NFIL3: variants seen among roughly 807,000 people sequenced by gnomAD.
NFIL3 encodes the protein nuclear factor, interleukin 3 regulated.
In NFIL3, 5 loss-of-function variants were observed where a neutral mutation model predicts 10.0. The observed-to-expected ratio is 0.50, with a 90% CI of 0.26 to 1.06. The LOEUF (loss-of-function observed/expected upper bound fraction) is 1.06, where lower values mean the gene tolerates loss of function less well. Among genes scored for constraint, NFIL3 ranks in the 50% least tolerant of loss-of-function variants. The probability of loss-of-function intolerance (pLI) is 0.13; values close to 1 mark genes in which losing one functional copy is unlikely to be tolerated. For synonymous variants in NFIL3, 202 were observed against 206.5 expected (o/e 0.98, Z 0.19); for missense variants, 436 against 547.6 (o/e 0.80, Z 2.03).
chr9:91,438,068 T>G, the NFIL3 span, among the ~76,000 whole-genome samples: 1 of 152,178 alleles, frequency 6.6e-6, no homozygotes, highest in Non-Finnish European at 1.5e-5. Flanking sequence ...ATTTTTAATT[T>G]TTTTGGAAAC....
the NFIL3 span, among the ~76,000 whole-genome samples, chr9:91,465,753 G>A: frequency 1.3e-5 from 2 of 152,076 alleles, no homozygotes; most frequent in Admixed American, 1.3e-4. Context: ...ATTTATGTGA[G>A]AATTTATGTT....
chr9:91,445,490 G>A, the NFIL3 span, among the ~76,000 whole-genome samples: 1 of 152,208 alleles, frequency 6.6e-6, no homozygotes, highest in African/African-American at 2.4e-5. Context: ...GGGAGGCAGG[G>A]CCTTTAGCTG....
chr9:91,459,608 C>A, the NFIL3 span, among the ~76,000 whole-genome samples: 1 of 152,102 alleles, frequency 6.6e-6, no homozygotes, highest in Admixed American at 6.5e-5. Context: ...TTGCTTGAGC[C>A]CAGGAGTTCA....
chr9:91,412,110 A>C (rs1587962351), intron 1 of NFIL3, among the ~76,000 whole-genome samples: 2 of 150,238 alleles, frequency 1.3e-5, no homozygotes, highest in African/African-American at 2.4e-5. Context: ...AAAAAAAAAA[A>C]AAAAAAAAAA....
chr9:91,436,090 G>A, the NFIL3 span, among the ~76,000 whole-genome samples: 1 of 152,210 alleles, frequency 6.6e-6, no homozygotes, highest in Admixed American at 6.5e-5. Flanking sequence ...AAATCAAACT[G>A]CAGAATTGAT....
chr9:91,479,592 T>G, the NFIL3 span, among the ~76,000 whole-genome samples: 1 of 152,072 alleles, frequency 6.6e-6, no homozygotes, highest in Non-Finnish European at 1.5e-5. Context: ...TCTGTGGGGG[T>G]GGGATCCACT....
At chr9:91,464,408 T>C in the NFIL3 span, among the ~76,000 whole-genome samples, 3,246 of 152,192 alleles carry the variant, frequency 0.021, 52 homozygotes, top group Middle Eastern at 0.034. Flanking sequence ...TCATGGGTAG[T>C]GCAGGTGCCT....
chr9:91,465,873 T>A, the NFIL3 span, among the ~76,000 whole-genome samples: 1 of 152,150 alleles, frequency 6.6e-6, no homozygotes, highest in Non-Finnish European at 1.5e-5. Context: ...CTTTAACCTT[T>A]CATAAGTACT....
In NFIL3 at chr9:91,414,744, G is replaced by C. The variant is rs138973588; in HGVS notation, c.-172-3838C>G. On this transcript the variant is annotated intron_variant, in intron 1 of 1. Transcript: ENST00000297689. ...TCAAATAATCTTGCAGTGTTGAAAA[G>C]AGTTTATCAGCATTATGGGATGATA... Among the ~76,000 whole-genome samples, 31 of 152,310 alleles carry C rather than the reference G, an allele frequency of 2.0e-4. No homozygotes were observed. The East Asian group carries it at 5.6e-3, about 27-fold the overall frequency.
chr9:91,445,706 G>A, the NFIL3 span, among the ~76,000 whole-genome samples: 1,008 of 152,184 alleles, frequency 6.6e-3, 10 homozygotes, highest in African/African-American at 0.023. Context: ...TAGAAAGCAG[G>A]GCACTACCTC....
At chr9:91,432,254 C>T in the NFIL3 span, among the ~76,000 whole-genome samples, 1 of 152,206 alleles carries the variant, frequency 6.6e-6, no homozygotes. Flanking sequence ...CATGATGTCC[C>T]AAATCCCAGC....
chr9:91,449,152 C>T, the NFIL3 span, among the ~76,000 whole-genome samples: 2 of 152,066 alleles, frequency 1.3e-5, no homozygotes, highest in Admixed American at 6.6e-5. Flanking sequence ...TAAGACAATG[C>T]CATTTGCAAA....
upstream of NFIL3, among the ~76,000 whole-genome samples, chr9:91,428,384 A>C (rs1386681653): frequency 2.0e-5 from 3 of 152,028 alleles, no homozygotes; most frequent in African/African-American, 7.2e-5. Flanking sequence ...GCCACAACCT[A>C]GACGTTATAG....
At chr9:91,478,873 T>A in the NFIL3 span, among the ~76,000 whole-genome samples, 3 of 152,346 alleles carry the variant, frequency 2.0e-5, no homozygotes, top group African/African-American at 4.8e-5. Flanking sequence ...CCTTTCTGTT[T>A]GTTAGTTTTC....
In NFIL3 at chr9:91,409,956, G is replaced by T. The variant is rs370930633; in HGVS notation, c.779C>A (p.Pro260Gln). The stretch of plus-strand genomic sequence containing the variant: ...GGAGGATCGGTTGACTTGCAGTAGT[G>T]GGGGAGAGTGTGAGTACCCAGAGAA... ...NSFSGYSHSP[P>Q]LLQVNRSSSN... The change falls in exon 2 of 2, where the codon CCA becomes CAA. Residue 260 changes from proline (P) to glutamine (Q), a missense_variant. Physicochemically the swap from Pro to Gln is moderately conservative, Grantham distance 76 (BLOSUM62 -1). Transcript: ENST00000297689. 1.2e-6 allele frequency: 2 copies of T among 1,613,510 alleles called. No individual in the cohort carries two copies. The highest frequency in any genetic ancestry group is 1.3e-5 in the African/African-American group (1 of 74,908).
In NFIL3 at chr9:91,411,949, A is replaced by C. The variant is rs1215559476; in HGVS notation, c.-172-1043T>G. Among the ~76,000 whole-genome samples the C allele has an allele frequency of 2.0e-5, 3 of 151,910 alleles. No individual in the cohort carries two copies. The East Asian group carries it at 5.8e-4, about 29-fold the overall frequency. On this transcript the variant is annotated intron_variant, in intron 1 of 1. Transcript: ENST00000297689. ...AACCCCATCTCTACTAAAAAATACA[A>C]AAATTAGCTGGGTGTGGTGGTGTGT...
the NFIL3 span, among the ~76,000 whole-genome samples, chr9:91,441,803 T>C: frequency 6.6e-6 from 1 of 152,346 alleles, no homozygotes; most frequent in South Asian, 2.1e-4. Context: ...ACACAATTTA[T>C]GTTTTTGATT....
the NFIL3 span, among the ~76,000 whole-genome samples, chr9:91,429,292 A>G: frequency 6.6e-6 from 1 of 152,156 alleles, no homozygotes; most frequent in African/African-American, 2.4e-5. Flanking sequence ...ACCTCTCTGA[A>G]TGTCCATTCC....
the NFIL3 span, among the ~76,000 whole-genome samples, chr9:91,450,306 T>C: frequency 6.6e-6 from 1 of 152,140 alleles, no homozygotes; most frequent in South Asian, 2.1e-4. Context: ...GCTACTGATG[T>C]GAGATCTTCC....
Sources: gnomAD v4.1 joint callset for allele counts (sites outside exome capture counted in the v4.1 genomes callset) on GRCh38, gnomAD v4.1.1 for gene constraint, MANE v1.5 for transcripts, NCBI Gene and HGNC (gene_info 2026-07-23, HGNC 2026-07-21) for gene names.